CHLSN: variants seen among roughly 807,000 people sequenced by gnomAD.
CHLSN encodes protein cholesin.
At chr7:1,037,804 C>T in the CHLSN span, among the ~76,000 whole-genome samples, 1 of 57,770 alleles carries the variant, frequency 1.7e-5, no homozygotes, top group Non-Finnish European at 3.6e-5. Flanking sequence ...AAGTGAGGAG[C>T]GCCTCTTCCC....
the CHLSN span, among the ~76,000 whole-genome samples, chr7:1,060,978 T>C: frequency 2.0e-5 from 3 of 152,054 alleles, no homozygotes; most frequent in Non-Finnish European, 4.4e-5. Flanking sequence ...GGGGTGTCCG[T>C]GCTTGAACCA....
the CHLSN span, among the ~76,000 whole-genome samples, chr7:1,022,127 C>T: frequency 6.6e-6 from 1 of 152,210 alleles, no homozygotes; most frequent in Admixed American, 6.5e-5. Flanking sequence ...TCGCAGACCA[C>T]CAGGAGCCCC....
chr7:991,602 G>A, the CHLSN span, among the ~76,000 whole-genome samples: 36 of 152,362 alleles, frequency 2.4e-4, no homozygotes, highest in Admixed American at 1.1e-3. Context: ...GCACAGGCAC[G>A]TCCCGGGGGC....
chr7:1,086,499 A>G, the CHLSN span, among the ~76,000 whole-genome samples: 1 of 152,250 alleles, frequency 6.6e-6, no homozygotes, highest in Non-Finnish European at 1.5e-5. Context: ...TCCATTAAAA[A>G]ATTAACACAG....
the CHLSN span, chr7:1,137,474 G>A: frequency 6.6e-6 from 1 of 152,224 alleles, no homozygotes; most frequent in African/African-American, 2.4e-5. Flanking sequence ...ATGAATGAAT[G>A]ACGGAAGGAA....
chr7:1,102,204 T>G, the CHLSN span, among the ~76,000 whole-genome samples: 2 of 152,158 alleles, frequency 1.3e-5, no homozygotes, highest in African/African-American at 4.8e-5. Context: ...CCGTCCAAAG[T>G]CCACCCACGA....
chr7:1,001,838 G>T, the CHLSN span, among the ~76,000 whole-genome samples: 1 of 105,738 alleles, frequency 9.5e-6, no homozygotes, highest in Admixed American at 9.4e-5. Flanking sequence ...CCTGTGGGTG[G>T]GGAGTCCTGT....
At chr7:1,092,628 T>C in the CHLSN span, 4 of 1,612,510 alleles carry the variant, frequency 2.5e-6, no homozygotes, top group Admixed American at 3.3e-5. Context: ...CTTTCCGCCA[T>C]GCCCACCCCC....
the CHLSN span, among the ~76,000 whole-genome samples, chr7:1,088,570 G>A: frequency 6.6e-6 from 1 of 152,202 alleles, no homozygotes; most frequent in East Asian, 1.9e-4. This position sits in a 1 kb window ranked among gnomAD's most constrained non-coding sequence, Gnocchi z 4.5. Flanking sequence ...GCTGAAAGCA[G>A]GACCCAGTAT....
chr7:1,133,758 A>AAC, the CHLSN span, among the ~76,000 whole-genome samples: 16 of 151,230 alleles, frequency 1.1e-4, no homozygotes, highest in Admixed American at 1.1e-3. Context: ...TCTCAAAAAA[A>AAC]AAAAAAAACA....
the CHLSN span, among the ~76,000 whole-genome samples, chr7:1,061,444 G>C: frequency 6.6e-6 from 1 of 151,794 alleles, no homozygotes; most frequent in African/African-American, 2.4e-5. Flanking sequence ...CCAGGTTCCC[G>C]CCAGCCTCTG....
the CHLSN span, among the ~76,000 whole-genome samples, chr7:1,031,803 C>G: frequency 2.6e-3 from 124 of 48,408 alleles, no homozygotes; most frequent in African/African-American, 6.9e-3. Context: ...TGGTCCGGGG[C>G]GGCAGAGACC....
At chr7:1,027,024 G>A in the CHLSN span, 2 of 152,206 alleles carry the variant, frequency 1.3e-5, no homozygotes, top group Non-Finnish European at 2.9e-5. Context: ...CGCCGTGCAG[G>A]AGCCTGGAAG....
chr7:984,725 C>CCAGGTGTCCACACAGCAGGT, the CHLSN span: 1 of 1,239,444 alleles, frequency 8.1e-7, no homozygotes, highest in Admixed American at 2.8e-5. Context: ...CTGAGAAGGG[C>CCAGGTGTCCACACAGCAGGT]CAGGTGTCCA....
At chr7:1,042,312 G>C in the CHLSN span, among the ~76,000 whole-genome samples, 1 of 152,210 alleles carries the variant, frequency 6.6e-6, no homozygotes, top group African/African-American at 2.4e-5. Flanking sequence ...CCACACAGGG[G>C]AGGCCACGTC....
chr7:1,126,015 A>G, the CHLSN span, among the ~76,000 whole-genome samples: 1 of 152,212 alleles, frequency 6.6e-6, no homozygotes, highest in East Asian at 1.9e-4. Flanking sequence ...ATGTATATGC[A>G]TCTTTTTGTG....
At chr7:1,122,031 G>C in the CHLSN span, among the ~76,000 whole-genome samples, 1 of 152,184 alleles carries the variant, frequency 6.6e-6, no homozygotes, top group East Asian at 1.9e-4. Context: ...CCCTGCCCTC[G>C]ACTGAGGCTC....
the CHLSN span, chr7:1,127,330 A>G: frequency 6.2e-7 from 1 of 1,610,756 alleles, no homozygotes; most frequent in African/African-American, 1.3e-5. Context: ...CGCCTTCTTC[A>G]GCTTTTTGTT....
the CHLSN span, among the ~76,000 whole-genome samples, chr7:1,042,184 C>T: frequency 1.0e-3 from 157 of 152,242 alleles, no homozygotes; most frequent in Admixed American, 1.6e-3. Context: ...CACAGAGGCA[C>T]GGCCCCAGGC....
Sources: allele counts gnomAD v4.1 joint callset (sites outside exome capture counted in the v4.1 genomes callset), GRCh38; gene constraint gnomAD v4.1.1; non-coding constraint Gnocchi (gnomAD v3.1); transcripts MANE v1.5; gene names NCBI Gene and HGNC (gene_info 2026-07-23, HGNC 2026-07-21).